Variants in SLC9C2 observed in about 807,000 individuals in gnomAD.
The protein encoded by SLC9C2 is sodium/hydrogen exchanger 11.
In SLC9C2, 75 loss-of-function variants were observed where a neutral mutation model predicts 140.2. The observed-to-expected ratio is 0.53, with a 90% CI of 0.44 to 0.65. The LOEUF (loss-of-function observed/expected upper bound fraction) is 0.65. SLC9C2 is among the 30% of genes least tolerant of loss of function. The pLI is 0.00. For missense variants in SLC9C2, 1,074 were observed against 1,331.8 expected (o/e 0.81, Z 3.01); for synonymous variants, 375 against 420.9 (o/e 0.89, Z 1.34).
In SLC9C2 at chr1:173,534,653, T is replaced by A. The variant is rs1432954916; in HGVS notation, c.1805A>T (p.His602Leu). Residue 602 changes from histidine to leucine, a missense_variant, in exon 16 of 28, where the codon CAC becomes CTC. Transcript: ENST00000367714. The part of the protein sequence containing the change: ...ESNTFLTFIF[H>L]IVFSEEFEYT... ...TTCAAATTCTTCAGAAAATACTATGTGAAATATAAAAGTCAGAAATGTATT... is the reference window on the plus strand; with the variant it reads ...TTCAAATTCTTCAGAAAATACTATGAGAAATATAAAAGTCAGAAATGTATT... 2.0e-6 allele frequency: 3 copies of A among 1,538,104 alleles called. No homozygotes were observed. The highest frequency in any genetic ancestry group is 2.6e-6 in the Non-Finnish European group (3 of 1,143,332).
intron 23 of SLC9C2, among the ~76,000 whole-genome samples, chr1:173,516,025 T>G (rs989778337): frequency 5.3e-5 from 8 of 152,226 alleles, no homozygotes; most frequent in Admixed American, 5.2e-4. Flanking sequence ...ACAGCAAAGA[T>G]AGGTGCCTGC....
At chr1:173,506,345 C>T (rs1041678724) in intron 25 of SLC9C2, among the ~76,000 whole-genome samples, 1 of 152,216 alleles carries the variant, frequency 6.6e-6, no homozygotes, top group Non-Finnish European at 1.5e-5. Flanking sequence ...CTATCCTTCC[C>T]ATGCCCTCTT....
Position 173,569,131 on chromosome 1 carries a change from C to T in SLC9C2, c.1046+4051G>A, listed in dbSNP as rs915806046. On this transcript the variant is annotated intron_variant, in intron 9 of 27. Coordinates refer to ENST00000367714, the MANE Select transcript of SLC9C2 (RefSeq NM_178527.4). Reference sequence around the variant, plus strand: ...TCAGCACTTTAAATATGTCATGCCACTCTCTCCTAGTCTGTAAGGTTTCCA... The same window carrying T: ...TCAGCACTTTAAATATGTCATGCCATTCTCTCCTAGTCTGTAAGGTTTCCA... Among the ~76,000 whole-genome samples the T allele has an allele frequency of 5.9e-4, 90 of 152,052 alleles. 1 individual carries two copies. Among genetic ancestry groups the T allele is most frequent in the Non-Finnish European group, 1.2e-4 (8 of 68,024 alleles).
chr1:173,564,801 C>G (rs1343944380), intron 9 of SLC9C2, among the ~76,000 whole-genome samples: 1 of 149,842 alleles, frequency 6.7e-6, no homozygotes, highest in Non-Finnish European at 1.5e-5. Context: ...CCACGCCTGG[C>G]TAATTTTTTA....
chr1:173,554,674 A>T (rs893009341), intron 11 of SLC9C2, 59 bp downstream of exon 11: 10 of 1,105,196 alleles, frequency 9.0e-6, no homozygotes, highest in African/African-American at 7.7e-5. Context: ...ATGACACCCA[A>T]CAATAACCTG....
At chr1:173,598,985 G>A (rs1189610244) in intron 3 of SLC9C2, among the ~76,000 whole-genome samples, 1 of 152,244 alleles carries the variant, frequency 6.6e-6, no homozygotes, top group Non-Finnish European at 1.5e-5. Flanking sequence ...CTAGGTTAAT[G>A]AATGAATGAA....
chr1:173,511,274 C>T (rs1300589604), intron 23 of SLC9C2, among the ~76,000 whole-genome samples: 1 of 152,056 alleles, frequency 6.6e-6, no homozygotes, highest in African/African-American at 2.4e-5. Context: ...TCATGATCCC[C>T]CTGCCTCAGC....
intron 15 of SLC9C2, among the ~76,000 whole-genome samples, chr1:173,535,056 T>C (rs893284725): frequency 9.9e-5 from 15 of 152,088 alleles, no homozygotes; most frequent in African/African-American, 3.4e-4. Flanking sequence ...TACTATGACA[T>C]ATATTTATTA....
rs1343841272 is a variant in SLC9C2 at position 173,554,379 on chromosome 1, C to T, written c.1297+354G>A. Among the ~76,000 whole-genome samples the T allele has an allele frequency of 2.0e-5, 3 of 152,244 alleles. No homozygotes were observed. In the East Asian group the frequency reaches 5.8e-4, roughly 29 times the overall value. On this transcript the variant is annotated intron_variant, in intron 11 of 27. Transcript: ENST00000367714. Reference sequence around the variant, plus strand: ...TGTAGACATGGTGGTAGTGAGCAGGCTTCTACCCTGTGGGCAAGAGCAGCA... The same window carrying T: ...TGTAGACATGGTGGTAGTGAGCAGGTTTCTACCCTGTGGGCAAGAGCAGCA...
intron 26 of SLC9C2, among the ~76,000 whole-genome samples, chr1:173,504,115 T>C (rs1472486553): frequency 6.6e-6 from 1 of 152,102 alleles, no homozygotes; most frequent in Non-Finnish European, 1.5e-5. Context: ...GCGGCAGACC[T>C]TCAGAGACTG....
intron 13 of SLC9C2, among the ~76,000 whole-genome samples, chr1:173,544,232 A>T (rs1300170875): frequency 1.3e-5 from 2 of 152,256 alleles, no homozygotes; most frequent in African/African-American, 4.8e-5. Flanking sequence ...GAAGACACTT[A>T]TGCAGCCAAC....
In SLC9C2 at chr1:173,535,956, G is replaced by A; in HGVS notation, c.1656-7C>T. 1 of 1,494,182 alleles carries A rather than the reference G, an allele frequency of 6.7e-7. No homozygotes were observed. 92.6% of individuals were successfully genotyped at this position (1,494,182 alleles called of 1,614,324 possible). ...ATCATAAATACTCATGAATCTAACA[G>A]AGAAAAATGTACATATGTGTTATAA... On this transcript the variant is annotated splice_polypyrimidine_tract_variant and splice_region_variant and intron_variant, in intron 14 of 27. Transcript: ENST00000367714.
In SLC9C2 at chr1:173,583,605, T is replaced by C; in HGVS notation, c.541A>G (p.Ile181Val). The change falls in exon 6 of 28, where the codon ATT becomes GTT. Residue 181 changes from isoleucine to valine, a missense_variant. Ile to Val is a conservative substitution (Grantham distance 29, BLOSUM62 3). Transcript: ENST00000367714. ...LKTIGISKIY[I>V]DLIRGESLII... ...AATGATTCTCCTCTAATGAGATCAA[T>C]GTATATTTTAGAAATGCCTGAAAAA... The C allele has an allele frequency of 3.2e-6, 5 of 1,557,984 alleles. No individual in the cohort carries two copies. Among genetic ancestry groups the C allele is most frequent in the Non-Finnish European group, 3.5e-6 (4 of 1,151,078 alleles).
At chr1:173,509,416 G>A (rs1659879873) in intron 24 of SLC9C2, 152 bp downstream of exon 24, 1 of 592,344 alleles carries the variant, frequency 1.7e-6, no homozygotes, top group African/African-American at 2.0e-5. Flanking sequence ...TTGCACTCCA[G>A]CCTGGGCAAC....
chr1:173,555,664 G>A (rs1663627086), intron 10 of SLC9C2, among the ~76,000 whole-genome samples: 1 of 152,174 alleles, frequency 6.6e-6, no homozygotes, highest in African/African-American at 2.4e-5. Context: ...GAGCTGTAAT[G>A]TTGATTATTT....
Position 173,561,885 on chromosome 1 carries a change from A to ACC in SLC9C2, c.1047-4379_1047-4378dup, listed in dbSNP as rs796946582. On this transcript the variant is annotated intron_variant, in intron 9 of 27. Transcript: ENST00000367714. ...CAGACACACACACACACACACACAC[A>ACC]CCCCCAACTGTAACTAATCCAACAA... Among the ~76,000 whole-genome samples the ACC allele has an allele frequency of 1.3e-5, 2 of 150,394 alleles. 1 individual carries two copies. Among genetic ancestry groups the ACC allele is most frequent in the African/African-American group, 4.9e-5 (2 of 40,426 alleles).
Position 173,527,927 on chromosome 1 carries a change from C to T in SLC9C2, c.2314-1213G>A, listed in dbSNP as rs1661319762. Among the ~76,000 whole-genome samples, 2 of 152,072 alleles carry T rather than the reference C, an allele frequency of 1.3e-5. 1 individual carries two copies. The highest frequency in any genetic ancestry group is 4.2e-4 in the South Asian group (2 of 4,812). Reference sequence around the variant, plus strand: ...ATTTATTAAATTATTTCTTCTTACTCGATAACATTGCATCAATATTGGGAA... The same window carrying T: ...ATTTATTAAATTATTTCTTCTTACTTGATAACATTGCATCAATATTGGGAA... On this transcript the variant is annotated intron_variant, in intron 18 of 27. Coordinates refer to ENST00000367714, the MANE Select transcript of SLC9C2 (RefSeq NM_178527.4).
At chr1:173,575,110 A>T (rs1414106238) in intron 8 of SLC9C2, among the ~76,000 whole-genome samples, 1 of 152,154 alleles carries the variant, frequency 6.6e-6, no homozygotes, top group Non-Finnish European at 1.5e-5. Flanking sequence ...GCAAAGCAAG[A>T]TCCTGTCTCA....
At position 173,560,021 on chromosome 1, in the gene SLC9C2, A is replaced by T. The variant is rs150960020; in HGVS notation, c.1047-2513T>A. Reference sequence around the variant, plus strand: ...CCAAGCTTGTCTGTTGATATGAAAAAAGGGTATTTTCAGAATTTAACAAAG... The same window carrying T: ...CCAAGCTTGTCTGTTGATATGAAAATAGGGTATTTTCAGAATTTAACAAAG... On this transcript the variant is annotated intron_variant, in intron 9 of 27. Coordinates refer to ENST00000367714, the MANE Select transcript of SLC9C2 (RefSeq NM_178527.4). Among the ~76,000 whole-genome samples the T allele has an allele frequency of 7.5e-3, 1,143 of 152,336 alleles. 14 individuals are homozygous for T. The highest frequency in any genetic ancestry group is 0.026 in the African/African-American group (1,090 of 41,566).
Sources: allele counts gnomAD v4.1 joint callset (sites outside exome capture counted in the v4.1 genomes callset), GRCh38; gene constraint gnomAD v4.1.1; transcripts MANE v1.5; gene names NCBI Gene and HGNC (gene_info 2026-07-23, HGNC 2026-07-21).